KHDRBS2: variants seen among roughly 807,000 people sequenced by gnomAD.
KHDRBS2 encodes the protein KH RNA binding domain containing, signal transduction associated 2, also known as KH domain-containing, RNA-binding, signal transduction-associated protein 2.
In KHDRBS2, 26 loss-of-function variants were observed where a neutral mutation model predicts 44.3. The observed-to-expected ratio is 0.59, with a 90% confidence interval of 0.43 to 0.81. The LOEUF is 0.81. KHDRBS2 is among the 40% of genes least tolerant of loss of function. The pLI is 0.00. For synonymous variants in KHDRBS2, 194 were observed against 151.1 expected, an observed-to-expected ratio of 1.28 and a Z score of -2.08; for missense variants, 476 against 433.1, an observed-to-expected ratio of 1.10 and a Z score of -0.88.
At chr6:62,251,255 T>C (rs1371171722) in intron 1 of KHDRBS2, among the ~76,000 whole-genome samples, 1 of 151,854 alleles carries the variant, frequency 6.6e-6, no homozygotes, top group Non-Finnish European at 1.5e-5. Context: ...AGCAAATGAT[T>C]AAAGTCATGA....
intron 2 of KHDRBS2, among the ~76,000 whole-genome samples, chr6:62,139,086 A>G (rs1196932630): frequency 6.6e-6 from 1 of 152,130 alleles, no homozygotes; most frequent in African/African-American, 2.4e-5. Context: ...AAACAATTTG[A>G]AAACATAGGA....
chr6:61,699,475 A>G (rs538234005), intron 7 of KHDRBS2, among the ~76,000 whole-genome samples: 1 of 152,142 alleles, frequency 6.6e-6, no homozygotes, highest in East Asian at 1.9e-4. Context: ...TAACTATATA[A>G]AAGTGTATCA....
At chr6:62,137,457 A>G (rs1811821225) in intron 2 of KHDRBS2, among the ~76,000 whole-genome samples, 1 of 152,194 alleles carries the variant, frequency 6.6e-6, no homozygotes, top group Non-Finnish European at 1.5e-5. Context: ...TATAAACACA[A>G]GGTCTTCAGA....
chr6:62,226,217 A>G (rs1831791999), intron 1 of KHDRBS2, among the ~76,000 whole-genome samples: 1 of 152,156 alleles, frequency 6.6e-6, no homozygotes, highest in South Asian at 2.1e-4. Flanking sequence ...TTGAGTTTTT[A>G]ATAATCGCCA....
the KHDRBS2 span, among the ~76,000 whole-genome samples, chr6:61,579,530 G>GTGAT: frequency 6.6e-6 from 1 of 152,152 alleles, no homozygotes; most frequent in African/African-American, 2.4e-5. Flanking sequence ...AAGAGATAGA[G>GTGAT]TGATAGGAAG....
intron 4 of KHDRBS2, among the ~76,000 whole-genome samples, chr6:61,917,086 T>C (rs1807164616): frequency 6.6e-6 from 1 of 150,728 alleles, no homozygotes; most frequent in Non-Finnish European, 1.5e-5. Flanking sequence ...CCAGCAATTG[T>C]GCTCGTTATC....
the KHDRBS2 span, among the ~76,000 whole-genome samples, chr6:61,565,558 G>A: frequency 6.0e-3 from 912 of 152,180 alleles, 4 homozygotes; most frequent in Middle Eastern, 0.01. Flanking sequence ...ACAGGAATAT[G>A]CAAAAATGCT....
chr6:61,938,538 T>C (rs887740065), intron 4 of KHDRBS2, among the ~76,000 whole-genome samples: 9 of 152,066 alleles, frequency 5.9e-5, no homozygotes, highest in African/African-American at 1.9e-4. Context: ...TGTAAGAATG[T>C]TATAGGGTGA....
chr6:62,169,164 C>T (rs1562991836), intron 2 of KHDRBS2, among the ~76,000 whole-genome samples: 2 of 73,330 alleles, frequency 2.7e-5, no homozygotes, highest in East Asian at 3.7e-4. Context: ...TATACGTACA[C>T]ATATATGTAT....
chr6:61,980,344 T>G (rs1280165249), intron 3 of KHDRBS2, among the ~76,000 whole-genome samples: 4 of 152,144 alleles, frequency 2.6e-5, no homozygotes, highest in Admixed American at 6.6e-5. Context: ...CTACTCCAGG[T>G]GCTGGTATTT....
intron 1 of KHDRBS2, among the ~76,000 whole-genome samples, chr6:62,229,378 T>C (rs1832502163): frequency 6.6e-6 from 1 of 152,126 alleles, no homozygotes; most frequent in Non-Finnish European, 1.5e-5. Flanking sequence ...AGGGGAAAAG[T>C]GTGACCTGGA....
At chr6:62,070,056 A>G (rs1406229534) in intron 2 of KHDRBS2, among the ~76,000 whole-genome samples, 1 of 151,582 alleles carries the variant, frequency 6.6e-6, no homozygotes, top group East Asian at 2.0e-4. Context: ...TTCTCCGTCT[A>G]TTAAGATTCA....
intron 4 of KHDRBS2, among the ~76,000 whole-genome samples, chr6:61,959,974 G>C (rs551352232): frequency 1.3e-5 from 2 of 152,154 alleles, no homozygotes; most frequent in South Asian, 2.1e-4. Context: ...AAATAATTAA[G>C]AATCTTCTGT....
chr6:61,584,332 T>A, the KHDRBS2 span, among the ~76,000 whole-genome samples: 1 of 151,802 alleles, frequency 6.6e-6, no homozygotes, highest in Admixed American at 6.6e-5. Flanking sequence ...CTGTTAAGTA[T>A]TACATTAGCT....
At position 61,680,877 on chromosome 6, in the gene KHDRBS2, G is replaced by A. The variant is rs992813336; in HGVS notation, c.*86C>T. The A allele has an allele frequency of 4.0e-6, 3 of 759,068 alleles. No homozygotes were observed. In the African/African-American group the frequency reaches 5.2e-5, roughly 13 times the overall value. 47.0% of individuals were successfully genotyped at this position (759,068 alleles called of 1,614,324 possible). On this transcript the variant is annotated 3_prime_UTR_variant, in exon 9 of 9. Transcript: ENST00000281156. ...GAATAGAAACAAACAAACAAAAAAA[G>A]GACTATTACTTGTCTTGTTGCTGTT...
At position 61,840,467 on chromosome 6, in the gene KHDRBS2, ACCT is replaced by A. The variant is rs1198012776; in HGVS notation, c.810+54165_810+54167del. ...TGGACAAGTGCTTCCTAAAAACAAC[ACCT>A]CCTTAAATAATCAAATAAAAGTAAG... On this transcript the variant is annotated intron_variant, in intron 6 of 8. Coordinates refer to ENST00000281156, the MANE Select transcript of KHDRBS2 (RefSeq NM_152688.4). 3.9e-5 allele frequency among the ~76,000 whole-genome samples: 6 copies of A among 152,188 alleles called. 1 individual carries two copies. The highest frequency in any genetic ancestry group is 1.2e-4 in the African/African-American group (5 of 41,550).
chr6:62,012,660 C>A (rs956124497), intron 3 of KHDRBS2, among the ~76,000 whole-genome samples: 49 of 152,270 alleles, frequency 3.2e-4, no homozygotes, highest in African/African-American at 1.1e-3. Context: ...CTCTTCCCAC[C>A]ACCTAGAGTG....
intron 1 of KHDRBS2, among the ~76,000 whole-genome samples, chr6:62,198,919 G>C (rs551209837): frequency 6.6e-6 from 1 of 152,008 alleles, no homozygotes; most frequent in Non-Finnish European, 1.5e-5. Context: ...CCTGGGAAGC[G>C]AGGCTGGTTC....
At chr6:61,548,091 G>T in the KHDRBS2 span, among the ~76,000 whole-genome samples, 2 of 151,978 alleles carry the variant, frequency 1.3e-5, no homozygotes, top group Non-Finnish European at 2.9e-5. Flanking sequence ...AATCTAATAG[G>T]AACTGAAATG....
Sources: gnomAD v4.1 joint callset for allele counts (sites outside exome capture counted in the v4.1 genomes callset) on GRCh38, gnomAD v4.1.1 for gene constraint, MANE v1.5 for transcripts, NCBI Gene and HGNC (gene_info 2026-07-23, HGNC 2026-07-21) for gene names.